The following LINGO2 variants were observed in gnomAD, a reference collection of about 807,000 sequenced individuals.
LINGO2 encodes the protein leucine rich repeat and Ig domain containing 2, also known as leucine-rich repeat and immunoglobulin-like domain-containing nogo receptor-interacting protein 2.
A neutral mutation model predicts 30.6 loss-of-function variants in LINGO2; 14 were observed. The observed-to-expected ratio is 0.46, with a 90% CI of 0.30 to 0.72. The LOEUF (loss-of-function observed/expected upper bound fraction) is 0.72, where lower values mean the gene tolerates loss of function less well. Ranked by LOEUF, LINGO2 falls within the 30% of genes least tolerant of loss-of-function variation. The pLI is 0.07. For synonymous variants in LINGO2, 317 were observed against 288.5 expected, an observed-to-expected ratio of 1.10 and a Z score of -1.00; for missense variants, 729 against 751.7, an observed-to-expected ratio of 0.97 and a Z score of 0.35.
chr9:28,588,518 G>A (rs2135692448), intron 1 of LINGO2, among the ~76,000 whole-genome samples: 1 of 151,970 alleles, frequency 6.6e-6, no homozygotes, highest in South Asian at 2.1e-4. Flanking sequence ...AGTGTGCTGG[G>A]AGCCTGGGGA....
At chr9:28,381,012 GA>G (rs1821332884) in intron 2 of LINGO2, among the ~76,000 whole-genome samples, 2 of 151,902 alleles carry the variant, frequency 1.3e-5, no homozygotes, top group South Asian at 4.2e-4. Flanking sequence ...GGGCCCAAAG[GA>G]ACACAGTAAA....
chr9:28,728,427 A>G, the LINGO2 span, among the ~76,000 whole-genome samples: 5 of 152,174 alleles, frequency 3.3e-5, no homozygotes, highest in African/African-American at 9.6e-5. Context: ...AGAAAAGGAA[A>G]GGAATAAAAC....
intron 1 of LINGO2, among the ~76,000 whole-genome samples, chr9:28,640,015 G>T (rs1279688872): frequency 5.3e-5 from 8 of 152,058 alleles, no homozygotes; most frequent in Non-Finnish European, 1.2e-4. Context: ...GGGCAGGCCT[G>T]GTGGTGACAA....
the LINGO2 span, among the ~76,000 whole-genome samples, chr9:28,729,523 C>T: frequency 6.6e-6 from 1 of 151,940 alleles, no homozygotes; most frequent in South Asian, 2.1e-4. Context: ...GAGATAAGAT[C>T]CATGAATCAT....
the LINGO2 span, among the ~76,000 whole-genome samples, chr9:29,047,071 C>A: frequency 8.4e-4 from 26 of 30,972 alleles, no homozygotes; most frequent in African/African-American, 1.9e-3. Flanking sequence ...AACAAACAAA[C>A]AAAAAAACCA....
the LINGO2 span, among the ~76,000 whole-genome samples, chr9:28,912,418 G>A: frequency 6.6e-6 from 1 of 151,810 alleles, no homozygotes; most frequent in South Asian, 2.1e-4. Context: ...CTGGTAAGCT[G>A]TTCTGTCTTC....
chr9:28,538,855 T>C (rs984972560), intron 1 of LINGO2, among the ~76,000 whole-genome samples: 3 of 152,030 alleles, frequency 2.0e-5, no homozygotes, highest in Admixed American at 2.0e-4. Flanking sequence ...AACCTATGAA[T>C]TTGGGGAGTC....
intron 3 of LINGO2, among the ~76,000 whole-genome samples, chr9:28,317,111 T>C (rs1824872851): frequency 6.6e-6 from 1 of 152,208 alleles, no homozygotes; most frequent in Admixed American, 6.5e-5. Context: ...TCCAATTATG[T>C]TTCTTCTGTT....
chr9:28,482,174 T>C (rs1228375312), intron 1 of LINGO2, among the ~76,000 whole-genome samples: 2 of 151,996 alleles, frequency 1.3e-5, no homozygotes, highest in Non-Finnish European at 2.9e-5. Flanking sequence ...GTATTTCTAG[T>C]TCTAGATCCC....
chr9:28,642,759 T>C (rs1827652045), intron 1 of LINGO2, among the ~76,000 whole-genome samples: 2 of 152,116 alleles, frequency 1.3e-5, no homozygotes, highest in Non-Finnish European at 2.9e-5. Flanking sequence ...GAGAAATCAA[T>C]CTGGCATATA....
At chr9:28,693,000 G>T in the LINGO2 span, among the ~76,000 whole-genome samples, 1 of 151,912 alleles carries the variant, frequency 6.6e-6, no homozygotes, top group Non-Finnish European at 1.5e-5. Flanking sequence ...TTGATGACGA[G>T]AATTCCTAGA....
chr9:28,066,060 T>C (rs953642016), intron 4 of LINGO2, among the ~76,000 whole-genome samples: 3 of 151,694 alleles, frequency 2.0e-5, no homozygotes, highest in African/African-American at 7.3e-5. Context: ...ATTAGAGGGG[T>C]GTGTCCTGTA....
chr9:28,791,375 C>T, the LINGO2 span, among the ~76,000 whole-genome samples: 1 of 151,902 alleles, frequency 6.6e-6, no homozygotes, highest in African/African-American at 2.4e-5. Context: ...TGTGCTAGAC[C>T]TTTTATATTT....
intron 1 of LINGO2, among the ~76,000 whole-genome samples, chr9:28,609,224 C>A (rs1825813442): frequency 6.9e-6 from 1 of 144,750 alleles, no homozygotes; most frequent in Non-Finnish European, 1.5e-5. Context: ...ATTTTAGAAT[C>A]TTTGGTTAGG....
At chr9:28,803,528 C>T in the LINGO2 span, among the ~76,000 whole-genome samples, 3 of 151,712 alleles carry the variant, frequency 2.0e-5, no homozygotes, top group African/African-American at 4.8e-5. Context: ...ATATATACTA[C>T]TCTGTTCATT....
chr9:28,663,154 G>A (rs975520064), intron 1 of LINGO2, among the ~76,000 whole-genome samples: 5 of 151,922 alleles, frequency 3.3e-5, no homozygotes, highest in African/African-American at 1.2e-4. Flanking sequence ...AACATATTGA[G>A]GTGCAGTTGT....
chr9:28,790,424 GT>G, the LINGO2 span, among the ~76,000 whole-genome samples: 1 of 148,132 alleles, frequency 6.8e-6, no homozygotes, highest in Non-Finnish European at 1.5e-5. Context: ...CGCCTCCCGG[GT>G]TCACGCCATT....
intron 3 of LINGO2, among the ~76,000 whole-genome samples, chr9:28,341,763 G>A (rs1312497296): frequency 6.6e-6 from 1 of 152,054 alleles, no homozygotes; most frequent in Non-Finnish European, 1.5e-5. Flanking sequence ...ATCCTAGACT[G>A]GCCTCCTGAC....
At chr9:28,011,043 G>T (rs899051994) in intron 5 of LINGO2, among the ~76,000 whole-genome samples, 1 of 152,098 alleles carries the variant, frequency 6.6e-6, no homozygotes, top group Non-Finnish European at 1.5e-5. Context: ...AGTCAATTAG[G>T]TACAATAACA....
Sources: gnomAD v4.1 joint callset for allele counts (sites outside exome capture counted in the v4.1 genomes callset) on GRCh38, gnomAD v4.1.1 for gene constraint, MANE v1.5 for transcripts, NCBI Gene and HGNC (gene_info 2026-07-23, HGNC 2026-07-21) for gene names.